The following HNF4G variants were observed in gnomAD, a reference collection of about 807,000 sequenced individuals.
HNF4G encodes the protein hepatocyte nuclear factor 4 gamma, also known as hepatocyte nuclear factor 4-gamma.
In HNF4G, 21 loss-of-function variants were observed where a neutral mutation model predicts 50.9. That is an observed-to-expected ratio of 0.41 (90% CI 0.29 to 0.59). The LOEUF (loss-of-function observed/expected upper bound fraction) is 0.59. Ranked by LOEUF, HNF4G falls within the 20% of genes least tolerant of loss-of-function variation. HNF4G has a pLI of 0.26. For missense variants in HNF4G, 527 were observed against 559.4 expected (o/e 0.94, Z 0.58); for synonymous variants, 198 against 185.6 (o/e 1.07, Z -0.54).
chr8:75,544,882 G>A (rs1447066529), intron 2 of HNF4G, among the ~76,000 whole-genome samples: 1 of 151,992 alleles, frequency 6.6e-6, no homozygotes, highest in Non-Finnish European at 1.5e-5. Flanking sequence ...TTGGGAAGAG[G>A]TTAACTTTCT....
chr8:75,540,659 G>A (rs1029984292), intron 1 of HNF4G, among the ~76,000 whole-genome samples: 2 of 151,976 alleles, frequency 1.3e-5, no homozygotes, highest in African/African-American at 4.8e-5. Context: ...AAAGCTGTTG[G>A]TATTTAATTA....
At chr8:75,537,790 G>A (rs919541213), upstream of HNF4G, among the ~76,000 whole-genome samples, 1 of 152,040 alleles carries the variant, frequency 6.6e-6, no homozygotes, top group East Asian at 1.9e-4. Context: ...ACCCCAATCA[G>A]TGCATTCTTA....
chr8:75,528,037 C>G (rs1033051941), intron 2 of HNF4G, among the ~76,000 whole-genome samples: 1 of 152,108 alleles, frequency 6.6e-6, no homozygotes. Flanking sequence ...TATCTCTAAC[C>G]CTGTTCATGT....
At chr8:75,535,219 A>G (rs940187123), upstream of HNF4G, among the ~76,000 whole-genome samples, 3 of 151,900 alleles carry the variant, frequency 2.0e-5, no homozygotes, top group Non-Finnish European at 3.0e-5. Context: ...ATATTAAAAT[A>G]CCCATCTTTG....
At chr8:75,467,661 GAA>G (rs371678463) in intron 1 of HNF4G, among the ~76,000 whole-genome samples, 3 of 127,530 alleles carry the variant, frequency 2.4e-5, no homozygotes, top group African/African-American at 8.7e-5. Flanking sequence ...TCTGTCTCAG[GAA>G]AAAAAAAAAA....
At chr8:75,541,771 AT>A (rs1806629155) in intron 1 of HNF4G, among the ~76,000 whole-genome samples, 1 of 152,016 alleles carries the variant, frequency 6.6e-6, no homozygotes, top group Non-Finnish European at 1.5e-5. Flanking sequence ...AGAAATATTC[AT>A]TTTATTATAA....
At chr8:75,520,002 T>C (rs1805998833) in intron 2 of HNF4G, among the ~76,000 whole-genome samples, 1 of 152,178 alleles carries the variant, frequency 6.6e-6, no homozygotes, top group Non-Finnish European at 1.5e-5. Flanking sequence ...GTTTCTTTTT[T>C]TTCTCTCTTC....
At chr8:75,447,705 G>A (rs1811458270) in intron 1 of HNF4G, among the ~76,000 whole-genome samples, 1 of 151,774 alleles carries the variant, frequency 6.6e-6, no homozygotes, top group Non-Finnish European at 1.5e-5. Context: ...CTGGTCATCA[G>A]AGAAATGCAA....
rs1369605084 is a variant in HNF4G at position 75,560,478 on chromosome 8, G to C, written c.1246+12G>C. 5 of 1,602,910 alleles carry C rather than the reference G, an allele frequency of 3.1e-6. No individual in the cohort carries two copies. In the Admixed American group the frequency reaches 5.2e-5, roughly 17 times the overall value. On this transcript the variant is annotated intron_variant, in intron 9 of 9. Coordinates refer to ENST00000396423, the MANE Select transcript of HNF4G (RefSeq NM_004133.5). ...TGCAGACCAGATCTGTAAGTTTATA[G>C]ACTACTTTTCAACCAAGATATTTCT...
intron 2 of HNF4G, among the ~76,000 whole-genome samples, chr8:75,496,636 C>A (rs1424805624): frequency 6.6e-6 from 1 of 152,028 alleles, no homozygotes; most frequent in Non-Finnish European, 1.5e-5. Flanking sequence ...AAGAATCTCT[C>A]TACAAAGCTC....
intron 1 of HNF4G, among the ~76,000 whole-genome samples, chr8:75,442,589 A>T (rs1197703603): frequency 1.3e-5 from 2 of 151,974 alleles, no homozygotes; most frequent in East Asian, 3.9e-4. Context: ...AAATAAATTT[A>T]AAAATAATAA....
intron 1 of HNF4G, among the ~76,000 whole-genome samples, chr8:75,540,644 C>T (rs143844797): frequency 1.1e-4 from 17 of 152,026 alleles, no homozygotes; most frequent in South Asian, 4.2e-4. Flanking sequence ...AATGTTTAGC[C>T]GCACAAAGCT....
At chr8:75,434,091 C>T (rs1563504640) in intron 1 of HNF4G, among the ~76,000 whole-genome samples, 1 of 148,268 alleles carries the variant, frequency 6.7e-6, no homozygotes, top group Non-Finnish European at 1.5e-5. Context: ...ACAACCTCCG[C>T]TTCCCAGGTT....
chr8:75,487,590 T>G (rs1157937140), intron 1 of HNF4G, among the ~76,000 whole-genome samples: 9 of 152,174 alleles, frequency 5.9e-5, no homozygotes, highest in Admixed American at 5.9e-4. Context: ...CCAATCAAAA[T>G]TTATCTATCC....
intron 1 of HNF4G, among the ~76,000 whole-genome samples, chr8:75,439,961 G>A (rs17303456): frequency 0.12 from 17,726 of 150,864 alleles, 1,124 homozygotes; most frequent in Middle Eastern, 0.18. Flanking sequence ...TTTCTTTCCA[G>A]TTTCCACATA....
At chr8:75,524,333 G>A (rs1332375830) in intron 2 of HNF4G, among the ~76,000 whole-genome samples, 1 of 152,078 alleles carries the variant, frequency 6.6e-6, no homozygotes, top group Non-Finnish European at 1.5e-5. Flanking sequence ...GGAAACTTTA[G>A]CCAACAATTC....
intron 1 of HNF4G, among the ~76,000 whole-genome samples, chr8:75,447,087 T>C (rs1410694244): frequency 1.6e-5 from 2 of 128,522 alleles, no homozygotes; most frequent in South Asian, 2.6e-4. Context: ...AACAGAGATA[T>C]AGATCAATGG....
At chr8:75,538,143 T>C (rs1186862490), upstream of HNF4G, among the ~76,000 whole-genome samples, 1 of 152,208 alleles carries the variant, frequency 6.6e-6, no homozygotes, top group East Asian at 1.9e-4. Flanking sequence ...TCTTGAGTTC[T>C]TACTCTATGA....
chr8:75,487,856 A>G (rs1298686154), intron 1 of HNF4G, among the ~76,000 whole-genome samples: 1 of 152,140 alleles, frequency 6.6e-6, no homozygotes, highest in Non-Finnish European at 1.5e-5. Context: ...AAGGCTGGGG[A>G]GGCCTCAGGA....
Sources: allele counts gnomAD v4.1 joint callset (sites outside exome capture counted in the v4.1 genomes callset), GRCh38; gene constraint gnomAD v4.1.1; transcripts MANE v1.5; gene names NCBI Gene and HGNC (gene_info 2026-07-23, HGNC 2026-07-21).